Variants in TET1 observed in about 807,000 individuals in gnomAD.
The protein encoded by TET1 is methylcytosine dioxygenase TET1.
TET1 carries 13 observed loss-of-function variants against 148.7 expected under a neutral mutation model. The observed-to-expected ratio is 0.09, with a 90% CI of 0.06 to 0.14. The LOEUF is 0.14. TET1 is among the 10% of genes least tolerant of loss of function. TET1 has a pLI of 1.00. For synonymous variants in TET1, 907 were observed against 937.2 expected, an observed-to-expected ratio of 0.97 and a Z score of 0.59; for missense variants, 2,182 against 2,553.8, an observed-to-expected ratio of 0.85 and a Z score of 3.14.
chr10:68,643,193 T>G (rs1393092264), intron 3 of TET1, among the ~76,000 whole-genome samples: 1 of 140,066 alleles, frequency 7.1e-6, no homozygotes, highest in Non-Finnish European at 1.5e-5. Flanking sequence ...GCCTGGGAGG[T>G]TGAAGCCACG....
intron 11 of TET1, among the ~76,000 whole-genome samples, chr10:68,688,052 A>G (rs536456662): frequency 3.9e-5 from 6 of 152,126 alleles, no homozygotes; most frequent in Non-Finnish European, 8.8e-5. Flanking sequence ...CCTCTCTAGC[A>G]GCTAGAACTA....
At position 68,693,840 on chromosome 10, in the gene TET1, T is replaced by G. The variant is rs2055622974; in HGVS notation, c.*2026T>G. ...GGCCTTAGCTCCCACTAGAAATTAT[T>G]TCTTCACCAGATTTAATGGATAAAG... On this transcript the variant is annotated 3_prime_UTR_variant, in exon 12 of 12. Transcript: ENST00000373644. The G allele has an allele frequency of 4.3e-6, 1 of 230,904 alleles. No homozygotes were observed. 14.3% of individuals were successfully genotyped at this position (230,904 alleles called of 1,614,324 possible).
chr10:68,648,351 T>C (rs1418443398), intron 4 of TET1, among the ~76,000 whole-genome samples: 2 of 152,198 alleles, frequency 1.3e-5, no homozygotes, highest in Non-Finnish European at 2.9e-5. Context: ...AGCACTCTTC[T>C]AAGAAACCTG....
At chr10:68,604,324 T>C (rs543029331) in intron 3 of TET1, among the ~76,000 whole-genome samples, 3 of 152,252 alleles carry the variant, frequency 2.0e-5, no homozygotes, top group Non-Finnish European at 4.4e-5. Flanking sequence ...GCACAGTCAA[T>C]TGGGGGTTTG....
intron 3 of TET1, among the ~76,000 whole-genome samples, chr10:68,644,144 C>T (rs1259008505): frequency 6.6e-6 from 1 of 151,716 alleles, no homozygotes; most frequent in Non-Finnish European, 1.5e-5. Flanking sequence ...ACCTTGTGAT[C>T]CGCCCACCTT....
intron 1 of TET1, among the ~76,000 whole-genome samples, chr10:68,569,115 G>C (rs968170653): frequency 6.8e-6 from 1 of 146,684 alleles, no homozygotes; most frequent in African/African-American, 2.5e-5. Context: ...TCTGTGGATT[G>C]TTAATTGGAA....
chr10:68,684,375 C>CTT (rs5785868), intron 10 of TET1, among the ~76,000 whole-genome samples: 6,483 of 139,400 alleles, frequency 0.047, 178 homozygotes, highest in African/African-American at 0.053. Flanking sequence ...GCCACAACAA[C>CTT]TTTTTTTTTT....
chr10:68,616,611 C>T (rs1412646095), intron 3 of TET1, among the ~76,000 whole-genome samples: 1 of 152,072 alleles, frequency 6.6e-6, no homozygotes, highest in African/African-American at 2.4e-5. Flanking sequence ...TCACAGCTCA[C>T]GGCAGTCTCA....
At chr10:68,633,646 C>G (rs1200750106) in intron 3 of TET1, among the ~76,000 whole-genome samples, 1 of 152,046 alleles carries the variant, frequency 6.6e-6, no homozygotes, top group African/African-American at 2.4e-5. Flanking sequence ...AGGTGAAACC[C>G]CACGCTGGTC....
At chr10:68,579,204 T>TA (rs900377942) in intron 2 of TET1, among the ~76,000 whole-genome samples, 2 of 152,194 alleles carry the variant, frequency 1.3e-5, no homozygotes, top group Non-Finnish European at 2.9e-5. Context: ...GACATCATTG[T>TA]AAAAAACACT....
intron 6 of TET1, among the ~76,000 whole-genome samples, chr10:68,653,906 A>G (rs1564494130): frequency 6.6e-6 from 1 of 151,894 alleles, no homozygotes; most frequent in Non-Finnish European, 1.5e-5. Flanking sequence ...CAGGAGTTCA[A>G]AATCAGCCTG....
Position 68,655,290 on chromosome 10 carries a change from T to C in TET1, c.4461+2696T>C, listed in dbSNP as rs566032229. Among the ~76,000 whole-genome samples the C allele has an allele frequency of 5.9e-5, 9 of 152,366 alleles. No individual in the cohort carries two copies. The South Asian group carries it at 1.7e-3, about 28-fold the overall frequency. Reference sequence around the variant, plus strand: ...GCTTTCCACCTTTCCCTGCTACTTATATATTTCTCAAACAGTATAGTTTTA... The same window carrying C: ...GCTTTCCACCTTTCCCTGCTACTTACATATTTCTCAAACAGTATAGTTTTA... On this transcript the variant is annotated intron_variant, in intron 6 of 11. Transcript: ENST00000373644.
intron 3 of TET1, among the ~76,000 whole-genome samples, chr10:68,640,309 G>GCT (rs570470340): frequency 1.1e-4 from 16 of 151,572 alleles, no homozygotes; most frequent in Non-Finnish European, 1.9e-4. Context: ...TGTCGCCCAG[G>GCT]CTGGAGTGCA....
At chr10:68,584,899 C>A (rs2053844034) in intron 2 of TET1, among the ~76,000 whole-genome samples, 1 of 151,652 alleles carries the variant, frequency 6.6e-6, no homozygotes, top group Non-Finnish European at 1.5e-5. Flanking sequence ...AAGCTCACTG[C>A]AACCTCCGTC....
chr10:68,607,376 A>C (rs1424333566), intron 3 of TET1, among the ~76,000 whole-genome samples: 1 of 151,712 alleles, frequency 6.6e-6, no homozygotes, highest in Non-Finnish European at 1.5e-5. Context: ...GAGCCAACTA[A>C]TAACTTTATT....
intron 6 of TET1, among the ~76,000 whole-genome samples, chr10:68,666,007 G>A (rs1210684591): frequency 2.0e-5 from 3 of 152,066 alleles, no homozygotes; most frequent in Admixed American, 6.6e-5. Flanking sequence ...TTTTCATCAT[G>A]TCCTGGTTAT....
rs200388513 is a variant in TET1, at chr10:68,636,124, G to T, written c.1969-8574G>T. Among the ~76,000 whole-genome samples, 10 of 152,130 alleles carry T rather than the reference G, an allele frequency of 6.6e-5. No homozygotes were observed. In the East Asian group the frequency reaches 1.5e-3, roughly 23 times the overall value. ...AATGACAGTTTGAGGCAGATTGGGT[G>T]GTCTTAGAAGGTTTTTCCTCCTTTG... On this transcript the variant is annotated intron_variant, in intron 3 of 11. Coordinates refer to ENST00000373644, the MANE Select transcript of TET1 (RefSeq NM_030625.3).
At chr10:68,615,053 G>C (rs1023466494) in intron 3 of TET1, among the ~76,000 whole-genome samples, 1 of 151,712 alleles carries the variant, frequency 6.6e-6, no homozygotes, top group Non-Finnish European at 1.5e-5. Flanking sequence ...TTTTGCCTCA[G>C]CCTCCTGAAT....
chr10:68,569,144 G>A (rs1403788640), intron 1 of TET1, among the ~76,000 whole-genome samples: 1 of 150,008 alleles, frequency 6.7e-6, no homozygotes, highest in Non-Finnish European at 1.5e-5. Flanking sequence ...GAATACTGCT[G>A]GATCTCCAGG....
Sources: gnomAD v4.1 joint callset for allele counts (sites outside exome capture counted in the v4.1 genomes callset) on GRCh38, gnomAD v4.1.1 for gene constraint, MANE v1.5 for transcripts, NCBI Gene and HGNC (gene_info 2026-07-23, HGNC 2026-07-21) for gene names.